KCNK1: variants seen among roughly 807,000 people sequenced by gnomAD.
KCNK1 encodes potassium two pore domain channel subfamily K member 1, also known as potassium channel subfamily K member 1.
KCNK1 carries 10 observed loss-of-function variants against 22.2 expected under a neutral mutation model. That is an observed-to-expected ratio of 0.45 (90% confidence interval 0.28 to 0.76). KCNK1 has a LOEUF of 0.76. KCNK1 is among the 30% of genes least tolerant of loss of function. The pLI is 0.14. For missense variants in KCNK1, 378 were observed against 421.0 expected, an observed-to-expected ratio of 0.90 and a Z score of 0.89; for synonymous variants, 200 against 186.4, an observed-to-expected ratio of 1.07 and a Z score of -0.60.
At chr1:233,657,667 AAAAG>A (rs755965714) in intron 1 of KCNK1, among the ~76,000 whole-genome samples, 14 of 151,378 alleles carry the variant, frequency 9.2e-5, no homozygotes, top group Admixed American at 6.0e-4. Flanking sequence ...AAGACGAAAG[AAAAG>A]AAAGAAAGAG....
chr1:233,620,154 C>T (rs1558107082), intron 1 of KCNK1, among the ~76,000 whole-genome samples: 3 of 152,282 alleles, frequency 2.0e-5, no homozygotes, highest in African/African-American at 4.8e-5. Context: ...TATTGGTGTG[C>T]AGCCACACCT....
chr1:233,667,384 T>C (rs111659967), intron 2 of KCNK1, among the ~76,000 whole-genome samples: 9 of 152,310 alleles, frequency 5.9e-5, no homozygotes, highest in African/African-American at 1.9e-4. Flanking sequence ...CACCTTAAAA[T>C]TACAGACGAA....
chr1:233,626,000 T>C (rs1657682375), intron 1 of KCNK1, among the ~76,000 whole-genome samples: 1 of 152,118 alleles, frequency 6.6e-6, no homozygotes, highest in South Asian at 2.1e-4. Context: ...CCAGGAGATT[T>C]TGAGCAAAGG....
intron 1 of KCNK1, chr1:233,630,729 T>A (rs61215834): frequency 0.074 from 11,281 of 152,668 alleles, 824 homozygotes; most frequent in African/African-American, 0.19. Context: ...GGTCCCATGT[T>A]GAATCTACAT....
At chr1:233,654,889 C>T (rs548377072) in intron 1 of KCNK1, among the ~76,000 whole-genome samples, 4 of 152,352 alleles carry the variant, frequency 2.6e-5, no homozygotes, top group Admixed American at 1.3e-4. Flanking sequence ...GGGGCTGCCA[C>T]CTCCATCACA....
intron 1 of KCNK1, chr1:233,630,480 T>G (rs754699983): frequency 6.6e-6 from 1 of 152,206 alleles, no homozygotes; most frequent in Non-Finnish European, 1.5e-5. Context: ...TTCTCTTTAA[T>G]CTCTTAATAT....
intron 1 of KCNK1, among the ~76,000 whole-genome samples, chr1:233,615,848 A>C (rs1175493141): frequency 2.6e-5 from 4 of 152,160 alleles, no homozygotes; most frequent in African/African-American, 9.7e-5. Flanking sequence ...AGATCACATG[A>C]AACAATTATT....
intron 1 of KCNK1, among the ~76,000 whole-genome samples, chr1:233,619,922 G>A (rs1657550745): frequency 7.2e-6 from 1 of 139,702 alleles, no homozygotes; most frequent in Admixed American, 7.0e-5. Flanking sequence ...AAGCGAGGGG[G>A]GCGGGGGGGC....
intron 1 of KCNK1, among the ~76,000 whole-genome samples, chr1:233,643,167 G>A (rs1658033085): frequency 6.6e-6 from 1 of 152,102 alleles, no homozygotes; most frequent in African/African-American, 2.4e-5. Flanking sequence ...TTTGAGGGGA[G>A]CTTGCTAGTT....
intron 1 of KCNK1, among the ~76,000 whole-genome samples, chr1:233,646,091 T>C (rs1658087380): frequency 2.0e-5 from 3 of 152,172 alleles, no homozygotes. Context: ...TGAAGACTTC[T>C]TTCATGGACG....
At chr1:233,634,755 T>C (rs1416652428) in intron 1 of KCNK1, among the ~76,000 whole-genome samples, 1 of 152,242 alleles carries the variant, frequency 6.6e-6, no homozygotes, top group African/African-American at 2.4e-5. Flanking sequence ...GCATTTACAC[T>C]TCCTTAGAAT....
rs1303396233 is a variant in KCNK1, at chr1:233,614,204, G to A, written c.33G>A (p.Val11=). The part of the protein sequence containing the change: MLQSLAGSSC[V]RLVERHRSAW... ...AGTCCCTGGCCGGCAGCTCGTGCGT[G>A]CGCCTGGTGGAGCGGCACCGCTCGG... The change falls in exon 1 of 3, where the codon GTG becomes GTA. Residue 11 remains valine (V), a synonymous_variant. Coordinates refer to ENST00000366621, the MANE Select transcript of KCNK1 (RefSeq NM_002245.4). 2 of 1,608,830 alleles carry A rather than the reference G, an allele frequency of 1.2e-6. No homozygotes were observed. The highest frequency in any genetic ancestry group is 1.7e-6 in the Non-Finnish European group (2 of 1,179,628).
intron 1 of KCNK1, among the ~76,000 whole-genome samples, chr1:233,662,618 T>C (rs1658416833): frequency 6.6e-6 from 1 of 152,148 alleles, no homozygotes. Context: ...CTGTTGTAAT[T>C]AGAGTAGCCA....
At chr1:233,649,150 T>C (rs1658154797) in intron 1 of KCNK1, among the ~76,000 whole-genome samples, 1 of 152,214 alleles carries the variant, frequency 6.6e-6, no homozygotes, top group South Asian at 2.1e-4. Flanking sequence ...TGTGATCACA[T>C]TTTTATCAAT....
intron 1 of KCNK1, 25 bp from the exon 2 acceptor site, chr1:233,666,570 C>G (rs1178335117): frequency 6.4e-7 from 1 of 1,569,478 alleles, no homozygotes; most frequent in East Asian, 2.3e-5. Context: ...TCCTCTTCGC[C>G]TCAGTGACCT....
rs777637540 is a variant in KCNK1, at chr1:233,666,791, C to T, written c.552C>T (p.Ala184=). The change falls in exon 2 of 3, where the codon GCC becomes GCT. Residue 184 remains alanine, a synonymous_variant. Transcript: ENST00000366621. The part of the protein sequence containing the change: ...FSKQVVAIVH[A]VLLGFVTVSC... ...AGCAGGTGGTGGCCATCGTCCATGCCGTGCTCCTTGGGTTTGTCACTGTGT... is the reference window on the plus strand; with the variant it reads ...AGCAGGTGGTGGCCATCGTCCATGCTGTGCTCCTTGGGTTTGTCACTGTGT... The T allele has an allele frequency of 2.4e-5, 38 of 1,614,052 alleles. No homozygotes were observed. Among genetic ancestry groups the T allele is most frequent in the East Asian group, 1.3e-4 (6 of 44,878 alleles).
chr1:233,656,947 A>G (rs575758499), intron 1 of KCNK1, among the ~76,000 whole-genome samples: 2 of 152,184 alleles, frequency 1.3e-5, no homozygotes, highest in South Asian at 4.1e-4. Flanking sequence ...TCTTTTATTT[A>G]CTTTTTTTGG....
intron 1 of KCNK1, chr1:233,636,434 T>C (rs1657897918): frequency 1.3e-5 from 2 of 152,206 alleles, no homozygotes. Flanking sequence ...TAAGATTTGC[T>C]GGTGGATTGG....
chr1:233,667,623 G>A (rs1011478605), intron 2 of KCNK1, among the ~76,000 whole-genome samples: 4 of 150,536 alleles, frequency 2.7e-5, no homozygotes, highest in African/African-American at 9.8e-5. Context: ...CCAGCTACTC[G>A]GGAGGCTGAG....
Sources: gnomAD v4.1 joint callset for allele counts (sites outside exome capture counted in the v4.1 genomes callset) on GRCh38, gnomAD v4.1.1 for gene constraint, MANE v1.5 for transcripts, NCBI Gene and HGNC (gene_info 2026-07-23, HGNC 2026-07-21) for gene names.